Variants in NTNG1 observed in about 807,000 individuals in gnomAD.
NTNG1 encodes netrin G1.
In NTNG1, 16 loss-of-function variants were observed where a neutral mutation model predicts 54.0. That is an observed-to-expected ratio of 0.30 (90% confidence interval 0.20 to 0.45). The LOEUF (loss-of-function observed/expected upper bound fraction) is 0.45, where lower values mean the gene tolerates loss of function less well. Ranked by LOEUF, NTNG1 falls within the 20% of genes least tolerant of loss-of-function variation. The pLI is 1.00. For synonymous variants in NTNG1, 255 were observed against 263.1 expected, an observed-to-expected ratio of 0.97 and a Z score of 0.30; for missense variants, 530 against 678.7, an observed-to-expected ratio of 0.78 and a Z score of 2.43.
chr1:107,314,499 C>T (rs1316008344), intron 2 of NTNG1, among the ~76,000 whole-genome samples: 2 of 152,122 alleles, frequency 1.3e-5, no homozygotes, highest in Admixed American at 1.3e-4. Context: ...TGGTGAATAA[C>T]ATCCTTGGGC....
At chr1:107,348,955 C>T (rs946188503) in intron 3 of NTNG1, among the ~76,000 whole-genome samples, 1 of 152,188 alleles carries the variant, frequency 6.6e-6, no homozygotes, top group East Asian at 1.9e-4. Flanking sequence ...AATATCCTCC[C>T]ATGGCTTTTA....
Position 107,422,660 on chromosome 1 carries a change from A to G in NTNG1, c.1088-8090A>G, listed in dbSNP as rs145238286. 1.6e-3 allele frequency among the ~76,000 whole-genome samples: 237 copies of G among 152,106 alleles called. 1 individual carries two copies. Among genetic ancestry groups the G allele is most frequent in the African/African-American group, 5.1e-3 (213 of 41,504 alleles). On this transcript the variant is annotated intron_variant, in intron 5 of 7. Coordinates refer to ENST00000370068, the MANE Select transcript of NTNG1 (RefSeq NM_001113226.3). The stretch of plus-strand genomic sequence containing the variant: ...CTAGAGCCTCTTAATTCCCAGAATC[A>G]CTCCATTTAATGCAGTGAAGGGAAA...
At chr1:107,385,471 G>A (rs1671903548) in intron 3 of NTNG1, among the ~76,000 whole-genome samples, 1 of 152,088 alleles carries the variant, frequency 6.6e-6, no homozygotes, top group South Asian at 2.1e-4. Context: ...CAGACGCCAT[G>A]CCTGCTAATA....
intron 3 of NTNG1, among the ~76,000 whole-genome samples, chr1:107,346,549 T>A (rs1376868689): frequency 6.6e-6 from 1 of 152,116 alleles, no homozygotes; most frequent in African/African-American, 2.4e-5. Context: ...ATCTGCTATA[T>A]ATTTAGATTT....
intron 2 of NTNG1, among the ~76,000 whole-genome samples, chr1:107,203,775 A>C (rs1403593747): frequency 6.6e-6 from 1 of 151,464 alleles, no homozygotes; most frequent in African/African-American, 2.4e-5. Flanking sequence ...AATTTTTTTA[A>C]GTATACTTGA....
chr1:107,436,558 A>G (rs1001379053), intron 6 of NTNG1, 107 bp from the exon 7 acceptor site: 26 of 874,400 alleles, frequency 3.0e-5, no homozygotes, highest in Middle Eastern at 4.7e-4. Context: ...ATTAATGGAC[A>G]TCTTTCTTTA....
In NTNG1 at chr1:107,225,262, G is replaced by A. The variant is rs534704259; in HGVS notation, c.246+76423G>A. The stretch of plus-strand genomic sequence containing the variant: ...GATTTTGGATAGGTGCTCTCTGGGG[G>A]CAGTTTTGGGATTAGCAGACATCAA... On this transcript the variant is annotated intron_variant, in intron 2 of 7. Coordinates refer to ENST00000370068, the MANE Select transcript of NTNG1 (RefSeq NM_001113226.3). Among the ~76,000 whole-genome samples the A allele has an allele frequency of 7.2e-5, 11 of 152,160 alleles. No homozygotes were observed. In the South Asian group the frequency reaches 2.3e-3, roughly 32 times the overall value.
chr1:107,168,919 T>A (rs1656011328), intron 2 of NTNG1, among the ~76,000 whole-genome samples: 1 of 152,170 alleles, frequency 6.6e-6, no homozygotes, highest in Non-Finnish European at 1.5e-5. Flanking sequence ...CTGAAGCCAT[T>A]ACTAAGGCTT....
rs191954440 is a variant in NTNG1, at chr1:107,161,881, G to T, written c.246+13042G>T. Among the ~76,000 whole-genome samples the T allele has an allele frequency of 5.6e-4, 84 of 150,646 alleles. 1 individual carries two copies. The Middle Eastern group carries it at 0.024, about 43-fold the overall frequency. On this transcript the variant is annotated intron_variant, in intron 2 of 7. Coordinates refer to ENST00000370068, the MANE Select transcript of NTNG1 (RefSeq NM_001113226.3). The stretch of plus-strand genomic sequence containing the variant: ...TTTTATGCTTTTATACATGGATTAT[G>T]TGTTCAAAAATAACACATACTTTTG...
chr1:107,311,476 A>G (rs1667008375), intron 2 of NTNG1, among the ~76,000 whole-genome samples: 1 of 152,184 alleles, frequency 6.6e-6, no homozygotes, highest in Non-Finnish European at 1.5e-5. Flanking sequence ...CTGAAACCCC[A>G]GTAACTATAT....
At chr1:107,341,681 G>A (rs1570718995) in intron 3 of NTNG1, among the ~76,000 whole-genome samples, 1 of 152,124 alleles carries the variant, frequency 6.6e-6, no homozygotes, top group East Asian at 1.9e-4. Context: ...CACAGTGACA[G>A]CATTGTAATA....
At chr1:107,315,927 T>C (rs1035783044) in intron 2 of NTNG1, among the ~76,000 whole-genome samples, 1 of 152,188 alleles carries the variant, frequency 6.6e-6, no homozygotes, top group Non-Finnish European at 1.5e-5. Context: ...GGAATATAGA[T>C]AAAGTACTCT....
chr1:107,435,465 G>A (rs189177532), intron 6 of NTNG1, among the ~76,000 whole-genome samples: 59 of 152,070 alleles, frequency 3.9e-4, no homozygotes, highest in Non-Finnish European at 3.8e-4. Flanking sequence ...TGCTGAACTC[G>A]AAACCTGACT....
At chr1:107,436,125 T>C (rs1207269607) in intron 6 of NTNG1, among the ~76,000 whole-genome samples, 1 of 152,212 alleles carries the variant, frequency 6.6e-6, no homozygotes, top group Non-Finnish European at 1.5e-5. Context: ...GCCTAGCAAA[T>C]ACAACATCTA....
intron 5 of NTNG1, chr1:107,418,695 G>A (rs767064420): frequency 6.4e-5 from 80 of 1,256,738 alleles, no homozygotes; most frequent in Non-Finnish European, 8.1e-5. Flanking sequence ...ATGTTTGGGG[G>A]AAAATCCTAT....
At chr1:107,246,915 G>C (rs1662240552) in intron 2 of NTNG1, among the ~76,000 whole-genome samples, 1 of 152,090 alleles carries the variant, frequency 6.6e-6, no homozygotes, top group South Asian at 2.1e-4. Flanking sequence ...GAGAACTACA[G>C]CTATCAGCCA....
intron 2 of NTNG1, among the ~76,000 whole-genome samples, chr1:107,272,606 G>C (rs1664217826): frequency 6.6e-6 from 1 of 152,080 alleles, no homozygotes; most frequent in African/African-American, 2.4e-5. Context: ...CAGAATTCAG[G>C]TATAGAATAC....
chr1:107,341,775 T>C (rs1303202529), intron 3 of NTNG1, among the ~76,000 whole-genome samples: 1 of 152,134 alleles, frequency 6.6e-6, no homozygotes, highest in Non-Finnish European at 1.5e-5. Flanking sequence ...GGATTTCTTT[T>C]TCATAGAATG....
chr1:107,401,336 G>T (rs1338710585), intron 4 of NTNG1, among the ~76,000 whole-genome samples: 1 of 152,122 alleles, frequency 6.6e-6, no homozygotes, highest in Non-Finnish European at 1.5e-5. Context: ...CAAGCTGTAG[G>T]CCCAGTGTTG....
Sources: allele counts gnomAD v4.1 joint callset (sites outside exome capture counted in the v4.1 genomes callset), GRCh38; gene constraint gnomAD v4.1.1; transcripts MANE v1.5; gene names NCBI Gene and HGNC (gene_info 2026-07-23, HGNC 2026-07-21).